Variants in GRAP2 observed in about 807,000 individuals in gnomAD.
GRAP2 encodes the protein GRB2 related adaptor protein 2.
Under a neutral mutation model 43.5 loss-of-function variants are expected in GRAP2, and 31 were observed. The ratio of observed to expected loss-of-function variants is 0.71; its 90% CI spans 0.54 to 0.96. The LOEUF (loss-of-function observed/expected upper bound fraction) is 0.96. Ranked by LOEUF, GRAP2 falls within the 40% of genes least tolerant of loss-of-function variation. GRAP2 has a pLI of 0.00. For missense variants in GRAP2, 371 were observed against 424.4 expected, an observed-to-expected ratio of 0.87 and a Z score of 1.11; for synonymous variants, 156 against 164.8, an observed-to-expected ratio of 0.95 and a Z score of 0.41.
chr22:39,898,546 C>A (rs1489969106), upstream of GRAP2, among the ~76,000 whole-genome samples: 1 of 152,228 alleles, frequency 6.6e-6, no homozygotes, highest in Non-Finnish European at 1.5e-5. Flanking sequence ...GGCGCAGTGG[C>A]TCATGCCTGT....
At chr22:39,957,391 A>C (rs2067066385) in intron 3 of GRAP2, among the ~76,000 whole-genome samples, 1 of 152,162 alleles carries the variant, frequency 6.6e-6, no homozygotes, top group Admixed American at 6.5e-5. Flanking sequence ...TGGAACAATG[A>C]AAGCCACCAG....
At chr22:39,941,735 A>G (rs2066873229) in intron 1 of GRAP2, among the ~76,000 whole-genome samples, 1 of 152,204 alleles carries the variant, frequency 6.6e-6, no homozygotes, top group Non-Finnish European at 1.5e-5. Context: ...AAACACGGCG[A>G]GTCATTGTGA....
intron 4 of GRAP2, among the ~76,000 whole-genome samples, chr22:39,961,297 G>A (rs1351061401): frequency 6.6e-6 from 1 of 152,114 alleles, no homozygotes; most frequent in Admixed American, 6.6e-5. Context: ...GGAGAAAGAG[G>A]AGCGGGAGAC....
intron 2 of GRAP2, chr22:39,948,298 C>A (rs763701399): frequency 2.0e-5 from 3 of 152,032 alleles, no homozygotes; most frequent in Non-Finnish European, 2.9e-5. Context: ...ATGAGTTGGG[C>A]CTCCTGACCC....
intron 1 of GRAP2, among the ~76,000 whole-genome samples, chr22:39,911,370 T>TCAAGGTAAACACCCAGCCCCA (rs2066564130): frequency 6.6e-6 from 1 of 151,994 alleles, no homozygotes; most frequent in African/African-American, 2.4e-5. Context: ...AAAATGACTC[T>TCAAGGTAAACACCCAGCCCCA]CTTCCCTCCA....
At chr22:39,927,170 GC>G (rs538008395) in intron 1 of GRAP2, among the ~76,000 whole-genome samples, 2 of 151,824 alleles carry the variant, frequency 1.3e-5, no homozygotes, top group African/African-American at 4.8e-5. Context: ...TTTTAATTCT[GC>G]CCCCCCGGCC....
chr22:39,904,817 G>A (rs2066513106), intron 1 of GRAP2, among the ~76,000 whole-genome samples: 1 of 152,146 alleles, frequency 6.6e-6, no homozygotes, highest in Non-Finnish European at 1.5e-5. Context: ...TTCAACATTG[G>A]ATGTTTTTAA....
chr22:39,968,269 C>T lies in GRAP2; in HGVS notation c.687C>T (p.His229=). ...GATATCTGCAGCACCACCATTTCCA[C>T]CAGGTATCTGGAAAGAAGGCAGTGG... ...QQRYLQHHHF[H]QERRGGSLDI... Residue 229 remains histidine, a synonymous_variant, in exon 6 of 8, where the codon CAC becomes CAT. Transcript: ENST00000344138. 5.0e-6 allele frequency: 8 copies of T among 1,613,294 alleles called. No homozygotes were observed. Among genetic ancestry groups the T allele is most frequent in the Non-Finnish European group, 5.9e-6 (7 of 1,179,364 alleles).
At chr22:39,959,592 A>G (rs891124486) in intron 3 of GRAP2, among the ~76,000 whole-genome samples, 1 of 151,922 alleles carries the variant, frequency 6.6e-6, no homozygotes, top group Admixed American at 6.6e-5. Context: ...GGCCACTGAG[A>G]CCTCAGGGCA....
rs1369473750 is a variant in GRAP2, at chr22:39,971,657, G to A, written c.*573G>A. On this transcript the variant is annotated 3_prime_UTR_variant, in exon 8 of 8. Coordinates refer to ENST00000344138, the MANE Select transcript of GRAP2 (RefSeq NM_004810.4). ...GAGCGGGGATGTGAAGGCAGGACGG[G>A]GTTGGAGAGACCCTGCCTGTGCAAG... 1 of 152,442 alleles carries A rather than the reference G, an allele frequency of 6.6e-6. No homozygotes were observed. The highest frequency in any genetic ancestry group is 1.9e-4 in the East Asian group (1 of 5,208). 9.4% of individuals were successfully genotyped at this position (152,442 alleles called of 1,614,324 possible).
chr22:39,903,886 G>A (rs1429012922), intron 1 of GRAP2, among the ~76,000 whole-genome samples: 1 of 152,082 alleles, frequency 6.6e-6, no homozygotes, highest in African/African-American at 2.4e-5. Flanking sequence ...CTGGCACTAG[G>A]CACCAAGTCC....
chr22:39,934,679 A>T (rs1380653420), intron 1 of GRAP2, among the ~76,000 whole-genome samples: 1 of 152,146 alleles, frequency 6.6e-6, no homozygotes, highest in African/African-American at 2.4e-5. Context: ...GTTGGGAAGC[A>T]CCCGGGCTTT....
chr22:39,964,704 A>G (rs1301673773), intron 4 of GRAP2: 5 of 444,904 alleles, frequency 1.1e-5, no homozygotes, highest in South Asian at 1.1e-4. Context: ...ACATTTAAGA[A>G]TAAACTTTTG....
In GRAP2 at chr22:39,916,222, C is replaced by T. The variant is rs141946129; in HGVS notation, c.-15+14892C>T. On this transcript the variant is annotated intron_variant, in intron 1 of 7. Coordinates refer to ENST00000344138, the MANE Select transcript of GRAP2 (RefSeq NM_004810.4). ...AGGCAGCGGTGGTCCTGGCATCTGC[C>T]ACAGCCCCCTCCCCCAACAGCACTT... is the stretch of plus-strand genomic sequence containing the variant. 3.9e-4 allele frequency among the ~76,000 whole-genome samples: 59 copies of T among 152,344 alleles called. 2 individuals carry two copies. The highest frequency in any genetic ancestry group is 1.3e-3 in the African/African-American group (56 of 41,576).
chr22:39,959,737 G>T (rs979767851), intron 3 of GRAP2, among the ~76,000 whole-genome samples: 1 of 152,186 alleles, frequency 6.6e-6, no homozygotes. Context: ...CCGGCAGGCG[G>T]CTGCTTCCTG....
intron 1 of GRAP2, among the ~76,000 whole-genome samples, chr22:39,938,936 C>T (rs1441469929): frequency 1.3e-5 from 2 of 152,056 alleles, no homozygotes; most frequent in African/African-American, 4.8e-5. Flanking sequence ...CTGCAGAGGC[C>T]CCCCTCGTTC....
At chr22:39,930,234 C>G (rs920646309) in intron 1 of GRAP2, among the ~76,000 whole-genome samples, 1 of 152,144 alleles carries the variant, frequency 6.6e-6, no homozygotes, top group Non-Finnish European at 1.5e-5. Flanking sequence ...ATTCTAGACT[C>G]TTTTCTGTCT....
At chr22:39,963,462 C>T (rs559514477) in intron 4 of GRAP2, among the ~76,000 whole-genome samples, 1 of 152,268 alleles carries the variant, frequency 6.6e-6, no homozygotes, top group African/African-American at 2.4e-5. Flanking sequence ...TTTTCTCCTC[C>T]TCACCTGGAT....
chr22:39,962,156 C>G (rs2067126291), intron 4 of GRAP2, among the ~76,000 whole-genome samples: 1 of 152,236 alleles, frequency 6.6e-6, no homozygotes, highest in Non-Finnish European at 1.5e-5. Flanking sequence ...GGCGCCGTGG[C>G]TCATGCCTCT....
Sources: allele counts gnomAD v4.1 joint callset (sites outside exome capture counted in the v4.1 genomes callset), GRCh38; gene constraint gnomAD v4.1.1; transcripts MANE v1.5; gene names NCBI Gene and HGNC (gene_info 2026-07-23, HGNC 2026-07-21).